UROS: variants seen among roughly 807,000 people sequenced by gnomAD.
UROS encodes uroporphyrinogen III synthase.
Under a neutral mutation model 33.0 loss-of-function variants are expected in UROS, and 18 were observed. The observed-to-expected ratio is 0.55, with a 90% CI of 0.38 to 0.81. UROS has a LOEUF of 0.81. Among genes scored for constraint, UROS ranks in the 30% least tolerant of loss-of-function variants. UROS has a pLI of 0.00. For missense variants in UROS, 293 were observed against 314.9 expected (o/e 0.93, Z 0.53); for synonymous variants, 114 against 121.1 (o/e 0.94, Z 0.38).
At chr10:125,814,695 A>T (rs1853140869) in intron 4 of UROS, among the ~76,000 whole-genome samples, 1 of 152,234 alleles carries the variant, frequency 6.6e-6, no homozygotes, top group Non-Finnish European at 1.5e-5. Flanking sequence ...AGTGCCTGAC[A>T]TGGTGGCACT....
intron 6 of UROS, among the ~76,000 whole-genome samples, chr10:125,801,054 A>G (rs1589954567): frequency 6.6e-6 from 1 of 152,338 alleles, no homozygotes; most frequent in East Asian, 1.9e-4. Context: ...ACATCTGTAG[A>G]ACAGTAACAA....
At chr10:125,798,845 G>C (rs965262786) in intron 6 of UROS, among the ~76,000 whole-genome samples, 1 of 152,210 alleles carries the variant, frequency 6.6e-6, no homozygotes, top group African/African-American at 2.4e-5. Context: ...AGTGAGGACA[G>C]CATAGGATTT....
intron 5 of UROS, among the ~76,000 whole-genome samples, chr10:125,808,299 C>T (rs1440245238): frequency 1.3e-5 from 2 of 152,214 alleles, no homozygotes; most frequent in African/African-American, 4.8e-5. Flanking sequence ...AGGAGTCACA[C>T]AGAGCCTGGT....
chr10:125,793,508 T>C (rs905983223), intron 9 of UROS: 2 of 152,412 alleles, frequency 1.3e-5, no homozygotes, highest in South Asian at 2.1e-4. Flanking sequence ...CTAAGCACTT[T>C]ATGGGTCCTA....
chr10:125,803,837 CCTCT>C (rs1443806187), intron 6 of UROS, among the ~76,000 whole-genome samples: 2 of 152,230 alleles, frequency 1.3e-5, no homozygotes, highest in Non-Finnish European at 1.5e-5. Context: ...TCAGTGGCTC[CCTCT>C]GAGTGGGAGG....
chr10:125,813,502 A>C (rs182472323), intron 4 of UROS, among the ~76,000 whole-genome samples: 1 of 152,296 alleles, frequency 6.6e-6, no homozygotes, highest in East Asian at 1.9e-4. Context: ...CACCACTGGG[A>C]AAGAGTACAC....
intron 1 of UROS, chr10:125,819,877 T>C (rs1204955691): frequency 1.3e-5 from 2 of 152,112 alleles, no homozygotes; most frequent in Non-Finnish European, 2.9e-5. Flanking sequence ...TCGGCACTGG[T>C]AAAAAGAGGG....
At chr10:125,810,031 C>T (rs536253218) in intron 5 of UROS, among the ~76,000 whole-genome samples, 1 of 152,318 alleles carries the variant, frequency 6.6e-6, no homozygotes, top group South Asian at 2.1e-4. Context: ...AGAAAAATGT[C>T]TACCTTGTCT....
intron 9 of UROS, among the ~76,000 whole-genome samples, chr10:125,790,575 G>A (rs1246271090): frequency 1.3e-5 from 2 of 152,156 alleles, no homozygotes; most frequent in African/African-American, 2.4e-5. Context: ...TTGGGAGGCC[G>A]AGGTGGGCAG....
intron 4 of UROS, among the ~76,000 whole-genome samples, chr10:125,814,752 A>T (rs1853147947): frequency 6.6e-6 from 1 of 152,140 alleles, no homozygotes; most frequent in Non-Finnish European, 1.5e-5. Flanking sequence ...TCTTTCAGGA[A>T]AGTAGTATTT....
intron 6 of UROS, chr10:125,802,120 C>T (rs10901439): frequency 0.46 from 451,276 of 985,222 alleles, 103,782 homozygotes; most frequent in Non-Finnish European, 0.47. Context: ...ACCATTTATG[C>T]GGTGATGATG....
chr10:125,816,603 C>A (rs558439278), intron 1 of UROS, 78 bp from the exon 2 acceptor site: 9 of 1,410,734 alleles, frequency 6.4e-6, no homozygotes, highest in Non-Finnish European at 9.0e-6. Flanking sequence ...GGACGGTACA[C>A]AAGAAGAAGG....
At chr10:125,789,333 A>C in intron 9 of UROS, 3 of 1,269,766 alleles carry the variant, frequency 2.4e-6, no homozygotes, top group Non-Finnish European at 3.0e-6. Flanking sequence ...AGCTGCAGAC[A>C]GTTCTTCTTC....
intron 4 of UROS, 101 bp downstream of exon 4, chr10:125,814,933 A>T: frequency 7.5e-7 from 1 of 1,327,980 alleles, no homozygotes; most frequent in Non-Finnish European, 1.1e-6. Context: ...CTAAGCACTC[A>T]CTTCTCTTAG....
At chr10:125,787,968 ACCTCACCAGAGTCTGTTT>A, downstream of UROS, among the ~76,000 whole-genome samples, 1 of 152,258 alleles carries the variant, frequency 6.6e-6, no homozygotes, top group Middle Eastern at 3.4e-3. Flanking sequence ...AAATCATTTC[ACCTCACCAGAGTCTGTTT>A]CCTCACCAGA....
intron 4 of UROS, among the ~76,000 whole-genome samples, chr10:125,812,826 T>C (rs1852930117): frequency 6.6e-6 from 1 of 152,224 alleles, no homozygotes; most frequent in African/African-American, 2.4e-5. Context: ...TACAGAATAT[T>C]ATCATTTTAT....
At chr10:125,820,536 G>T (rs1165955784) in intron 1 of UROS, among the ~76,000 whole-genome samples, 2 of 152,128 alleles carry the variant, frequency 1.3e-5, no homozygotes, top group Admixed American at 1.3e-4. Context: ...CAACTTCACA[G>T]ACACACCAAG....
intron 8 of UROS, 102 bp downstream of exon 8, chr10:125,796,001 G>T (rs1188199457): frequency 3.8e-6 from 4 of 1,043,350 alleles, no homozygotes; most frequent in Non-Finnish European, 6.1e-6. Context: ...TGGGGACAGT[G>T]AAACCACATA....
In UROS at chr10:125,816,529, C is replaced by A. The variant is rs374202078; in HGVS notation, c.-26-4G>T. On this transcript the variant is annotated splice_region_variant and splice_polypyrimidine_tract_variant and intron_variant, in intron 1 of 9. Coordinates refer to ENST00000368797, the MANE Select transcript of UROS (RefSeq NM_000375.3). ...GCCTGGCAGTCCTTATAGGGCACTG[C>A]GACAGAGCAAGGAAACAGATCTTAA... The A allele has an allele frequency of 3.7e-6, 6 of 1,613,828 alleles. No homozygotes were observed. Among genetic ancestry groups the A allele is most frequent in the South Asian group, 1.1e-5 (1 of 91,088 alleles).
Sources: gnomAD v4.1 joint callset for allele counts (sites outside exome capture counted in the v4.1 genomes callset) on GRCh38, gnomAD v4.1.1 for gene constraint, MANE v1.5 for transcripts, NCBI Gene and HGNC (gene_info 2026-07-23, HGNC 2026-07-21) for gene names.